Variants in CAMK4 observed in about 807,000 individuals in gnomAD.
CAMK4 encodes the protein calcium/calmodulin-dependent protein kinase type IV.
CAMK4 carries 22 observed loss-of-function variants against 44.9 expected under a neutral mutation model. That is an observed-to-expected ratio of 0.49 (90% confidence interval 0.35 to 0.70). The LOEUF (loss-of-function observed/expected upper bound fraction) is 0.70, where lower values mean the gene tolerates loss of function less well. Among genes scored for constraint, CAMK4 ranks in the 30% least tolerant of loss-of-function variants. CAMK4 has a pLI of 0.01. For missense variants in CAMK4, 498 were observed against 586.8 expected (o/e 0.85, Z 1.56); for synonymous variants, 218 against 215.4 (o/e 1.01, Z -0.11).
chr5:111,435,943 T>C (rs1301651161), intron 5 of CAMK4, among the ~76,000 whole-genome samples: 1 of 152,224 alleles, frequency 6.6e-6, no homozygotes, highest in African/African-American at 2.4e-5. Context: ...TATTATATGC[T>C]GATTTGTAGA....
chr5:111,227,919 A>G (rs538258864), intron 1 of CAMK4, among the ~76,000 whole-genome samples: 1 of 152,318 alleles, frequency 6.6e-6, no homozygotes, highest in Non-Finnish European at 1.5e-5. Context: ...CAGATCCTCG[A>G]GAGCAGTTGG....
At chr5:111,314,280 CA>C (rs1395114520) in intron 1 of CAMK4, among the ~76,000 whole-genome samples, 1 of 151,976 alleles carries the variant, frequency 6.6e-6, no homozygotes, top group Non-Finnish European at 1.5e-5. Flanking sequence ...CTTTTTCCAT[CA>C]TTGTTCAAAT....
At position 111,402,202 on chromosome 5, in the gene CAMK4, A is replaced by G. The variant is rs371557768; in HGVS notation, c.459+7420A>G. Among the ~76,000 whole-genome samples, 9 of 152,340 alleles carry G rather than the reference A, an allele frequency of 5.9e-5. No individual in the cohort carries two copies. In the East Asian group the frequency reaches 1.5e-3, roughly 26 times the overall value. On this transcript the variant is annotated intron_variant, in intron 5 of 10. Transcript: ENST00000282356. Reference sequence around the variant, plus strand: ...TCATGCCCTCTCGTGGCAGATCCAAATGGAGAGCCAACTGGAGAAGGAAAA... The same window carrying G: ...TCATGCCCTCTCGTGGCAGATCCAAGTGGAGAGCCAACTGGAGAAGGAAAA...
At chr5:111,372,005 G>A (rs1751025467) in intron 2 of CAMK4, among the ~76,000 whole-genome samples, 1 of 152,156 alleles carries the variant, frequency 6.6e-6, no homozygotes, top group African/African-American at 2.4e-5. Flanking sequence ...CTTTCAGTAT[G>A]GATTCAAAAG....
chr5:111,331,580 C>G (rs1271397707), intron 1 of CAMK4, among the ~76,000 whole-genome samples: 1 of 151,606 alleles, frequency 6.6e-6, no homozygotes, highest in Non-Finnish European at 1.5e-5. Context: ...ATAACACCTG[C>G]CAGTCTATTC....
At chr5:111,328,347 T>C (rs1243503758) in intron 1 of CAMK4, among the ~76,000 whole-genome samples, 1 of 151,802 alleles carries the variant, frequency 6.6e-6, no homozygotes, top group African/African-American at 2.4e-5. Flanking sequence ...TTCTGAGGGC[T>C]CTGTTCTGTT....
intron 2 of CAMK4, among the ~76,000 whole-genome samples, chr5:111,364,545 G>A (rs762392452): frequency 1.1e-4 from 16 of 152,134 alleles, no homozygotes; most frequent in Non-Finnish European, 1.5e-4. Flanking sequence ...TGAAGGGAGA[G>A]AGGTAACTCC....
chr5:111,332,492 G>T (rs570499384), intron 1 of CAMK4, among the ~76,000 whole-genome samples: 1 of 151,404 alleles, frequency 6.6e-6, no homozygotes, highest in East Asian at 2.0e-4. Context: ...TTGGACATTT[G>T]GGTTGGTTCC....
chr5:111,419,681 C>G (rs566771468), intron 5 of CAMK4, among the ~76,000 whole-genome samples: 2 of 152,258 alleles, frequency 1.3e-5, no homozygotes, highest in African/African-American at 4.8e-5. Flanking sequence ...GTTTTGCCAG[C>G]ACCATTTATT....
chr5:111,478,940 T>C (rs1462027980), intron 9 of CAMK4, among the ~76,000 whole-genome samples: 1 of 152,210 alleles, frequency 6.6e-6, no homozygotes, highest in African/African-American at 2.4e-5. Context: ...TGTAATGGCA[T>C]GATCATGGCT....
chr5:111,480,601 A>G (rs963777734), intron 9 of CAMK4, among the ~76,000 whole-genome samples: 1 of 152,258 alleles, frequency 6.6e-6, no homozygotes, highest in Admixed American at 6.5e-5. Flanking sequence ...GTGAAGTTTC[A>G]GAGTCTGACA....
chr5:111,376,893 G>C lies in CAMK4; in HGVS notation c.337G>C (p.Glu113Gln), dbSNP rs1751233112. The C allele has an allele frequency of 1.2e-6, 2 of 1,606,332 alleles. No individual in the cohort carries two copies. The highest frequency in any genetic ancestry group is 1.7e-6 in the Non-Finnish European group (2 of 1,174,610). The change falls in exon 4 of 11, where the codon GAA becomes CAA. Residue 113 changes from glutamate to glutamine, a missense_variant. Around this residue, in one of 3 missense-constraint regions of CAMK4, gnomAD observed 152 missense variants for 143.7 expected, o/e 1.06. Coordinates refer to ENST00000282356, the MANE Select transcript of CAMK4 (RefSeq NM_001744.6). ...KLKEIFETPT[E>Q]ISLVLELVTG... The stretch of plus-strand genomic sequence containing the variant: ...TAAAGAGATATTTGAAACCCCTACA[G>C]AAATCAGTCTGGTCCTAGAACTCGT...
chr5:111,362,771 T>C (rs1448808583), intron 2 of CAMK4, among the ~76,000 whole-genome samples: 1 of 151,852 alleles, frequency 6.6e-6, no homozygotes, highest in Non-Finnish European at 1.5e-5. Flanking sequence ...ATATGAGGAG[T>C]AAAGACCCAG....
At chr5:111,354,621 ATCAC>A (rs1750255888) in intron 2 of CAMK4, among the ~76,000 whole-genome samples, 1 of 38,414 alleles carries the variant, frequency 2.6e-5, no homozygotes. Context: ...AGGCAGGAGA[ATCAC>A]TTGAACCCGG....
In CAMK4 at chr5:111,494,545, C is replaced by T. The variant is rs1755995505; in HGVS notation, c.*10079C>T. The T allele has an allele frequency of 6.6e-6, 1 of 151,866 alleles. No homozygotes were observed. The highest frequency in any genetic ancestry group is 6.6e-5 in the Admixed American group (1 of 15,228). The allele number at this position is 151,866 out of a possible 1,614,324, so 9.4% of individuals were successfully genotyped here. ...CTTCTTACAGATGGGACACAACAGT[C>T]ATGGGCTGTCTCAGCTGCCCAAAGC... is the stretch of plus-strand genomic sequence containing the variant. On this transcript the variant is annotated 3_prime_UTR_variant, in exon 11 of 11. Coordinates refer to ENST00000282356, the MANE Select transcript of CAMK4 (RefSeq NM_001744.6).
At chr5:111,336,418 G>T (rs1229918697) in intron 1 of CAMK4, among the ~76,000 whole-genome samples, 4 of 150,846 alleles carry the variant, frequency 2.7e-5, no homozygotes, top group African/African-American at 9.7e-5. Context: ...AAATGTGATT[G>T]CTTTCTAAAA....
chr5:111,335,988 C>T (rs1475812538), intron 1 of CAMK4, among the ~76,000 whole-genome samples: 1 of 151,112 alleles, frequency 6.6e-6, no homozygotes, highest in African/African-American at 2.4e-5. Flanking sequence ...CCATATTAGA[C>T]AAAACTAGAG....
Position 111,446,693 on chromosome 5 carries a change from A to C in CAMK4, c.467A>C (p.His156Pro). ...KQILEAVAYL[H>P]ENGIVHRDLK... ...ATTATTTTCCCTCTTTAGTATCTACATGAAAATGGGATTGTCCATCGTGAT... is the reference window on the plus strand; with the variant it reads ...ATTATTTTCCCTCTTTAGTATCTACCTGAAAATGGGATTGTCCATCGTGAT... The change falls in exon 6 of 11, where the codon CAT becomes CCT. Residue 156 changes from histidine to proline, a missense_variant. By Grantham distance (77) the His-to-Pro change is moderately conservative. This residue lies in a region of CAMK4 where 203 missense variants were observed against 298.2 expected (regional missense o/e 0.68). Coordinates refer to ENST00000282356, the MANE Select transcript of CAMK4 (RefSeq NM_001744.6). 6.4e-7 allele frequency: 1 copy of C among 1,562,192 alleles called. No individual in the cohort carries two copies. Among genetic ancestry groups the C allele is most frequent in the Non-Finnish European group, 8.8e-7 (1 of 1,139,266 alleles).
chr5:111,402,913 T>A (rs1752283240), intron 5 of CAMK4, among the ~76,000 whole-genome samples: 1 of 152,220 alleles, frequency 6.6e-6, no homozygotes, highest in South Asian at 2.1e-4. Flanking sequence ...CTTCTTGATA[T>A]CTCAGGGAGG....
Sources: gnomAD v4.1 joint callset for allele counts (sites outside exome capture counted in the v4.1 genomes callset) on GRCh38, gnomAD v4.1.1 for gene constraint, gnomAD v4.1.1 regional missense constraint, MANE v1.5 for transcripts, NCBI Gene and HGNC (gene_info 2026-07-23, HGNC 2026-07-21) for gene names.